FAM32A: variants seen among roughly 807,000 people sequenced by gnomAD.
FAM32A encodes the protein family with sequence similarity 32 member A, also known as protein FAM32A.
In FAM32A, 9 loss-of-function variants were observed where a neutral mutation model predicts 15.8. That is an observed-to-expected ratio of 0.57 (90% CI 0.34 to 1.00). The LOEUF is 1.00. Ranked by LOEUF, FAM32A falls within the 50% of genes least tolerant of loss-of-function variation. FAM32A has a pLI of 0.02. For synonymous variants in FAM32A, 64 were observed against 54.9 expected (o/e 1.16, Z -0.73); for missense variants, 113 against 138.3 (o/e 0.82, Z 0.92).
chr19:16,189,666 CTCTTT>C (rs2091398254), intron 2 of FAM32A, among the ~76,000 whole-genome samples: 1 of 83,636 alleles, frequency 1.2e-5, no homozygotes, highest in Non-Finnish European at 2.4e-5. Context: ...CACACTCCAA[CTCTTT>C]TTTTTTTTTT....
chr19:16,189,958 C>T (rs998291760), intron 2 of FAM32A, among the ~76,000 whole-genome samples: 3 of 151,932 alleles, frequency 2.0e-5, no homozygotes, highest in Non-Finnish European at 2.9e-5. Flanking sequence ...CATGAGCCAC[C>T]GCGCCCAGCC....
intron 2 of FAM32A, chr19:16,186,427 C>G (rs575039837): frequency 2.0e-5 from 3 of 152,220 alleles, no homozygotes; most frequent in Non-Finnish European, 4.4e-5. Flanking sequence ...GCCACCACAC[C>G]TGGCTAATTT....
rs1467469929 is a variant in FAM32A, at chr19:16,192,019, A to T, written c.*1064A>T. 6.6e-6 allele frequency: 1 copy of T among 152,170 alleles called. No homozygotes were observed. The highest frequency in any genetic ancestry group is 2.4e-5 in the African/African-American group (1 of 41,456). The allele number at this position is 152,170 out of a possible 1,614,324, so 9.4% of individuals were successfully genotyped here. ...TTTGGGGTTGTCCTGTGTAAATTAC[A>T]CAATAAAGCAAAAGTCAGTTATTGT... On this transcript the variant is annotated 3_prime_UTR_variant, in exon 4 of 4. Coordinates refer to ENST00000263384, the MANE Select transcript of FAM32A (RefSeq NM_014077.4).
In FAM32A at chr19:16,191,875, T is replaced by G. The variant is rs948942847; in HGVS notation, c.*920T>G. 7 of 152,366 alleles carry G rather than the reference T, an allele frequency of 4.6e-5. No individual in the cohort carries two copies. The highest frequency in any genetic ancestry group is 1.7e-4 in the African/African-American group (7 of 41,576). The allele number at this position is 152,366 out of a possible 1,614,324, so 9.4% of individuals were successfully genotyped here. ...TGTCCGTGTTGGAGGGCTGGGATCT[T>G]GTAGGGCCTGTGCGTCCTGGCTGAG... On this transcript the variant is annotated 3_prime_UTR_variant, in exon 4 of 4. Transcript: ENST00000263384.
chr19:16,189,016 CTTCT>C (rs1451390494), intron 2 of FAM32A, among the ~76,000 whole-genome samples: 1 of 132,476 alleles, frequency 7.5e-6, no homozygotes, highest in African/African-American at 2.8e-5. Context: ...TGCCTCAGTG[CTTCT>C]TTTTTTTTTT....
intron 2 of FAM32A, chr19:16,186,759 T>C (rs1280366891): frequency 6.6e-6 from 1 of 152,258 alleles, no homozygotes; most frequent in African/African-American, 2.4e-5. Context: ...GATTCTCACC[T>C]GGGGGTAGTC....
chr19:16,189,891 A>T (rs2091399528), intron 2 of FAM32A, among the ~76,000 whole-genome samples: 1 of 148,968 alleles, frequency 6.7e-6, no homozygotes, highest in Non-Finnish European at 1.5e-5. Context: ...CTAGTCTTGA[A>T]CTCCTGGGCT....
At position 16,185,498 on chromosome 19, in the gene FAM32A, A is replaced by G; in HGVS notation, c.56A>G (p.Glu19Gly). ...KGPLKLKGVA[E>G]LGVTKRKKKK... ...CCCCTGAAGCTGAAAGGCGTCGCAG[A>G]GCTGGGAGTGACCAAGCGGTGAGGC... The change falls in exon 1 of 4, where the codon GAG becomes GGG. Residue 19 changes from glutamate (E) to glycine (G), a missense_variant. This residue lies in a region of FAM32A where 112 missense variants were observed against 118.6 expected (regional missense o/e 0.94). Coordinates refer to ENST00000263384, the MANE Select transcript of FAM32A (RefSeq NM_014077.4). The G allele has an allele frequency of 6.4e-7, 1 of 1,565,270 alleles. No individual in the cohort carries two copies. The highest frequency in any genetic ancestry group is 8.7e-7 in the Non-Finnish European group (1 of 1,154,322).
intron 2 of FAM32A, 86 bp from the exon 3 acceptor site, chr19:16,190,434 G>A (rs563060336): frequency 1.6e-5 from 15 of 909,234 alleles, no homozygotes; most frequent in Admixed American, 4.1e-5. Context: ...GTGAGAGCCA[G>A]TCTGGCCAGG....
In FAM32A at chr19:16,191,096, G is replaced by C; in HGVS notation, c.*141G>C. On this transcript the variant is annotated 3_prime_UTR_variant, in exon 4 of 4. Coordinates refer to ENST00000263384, the MANE Select transcript of FAM32A (RefSeq NM_014077.4). ...GCTACAGACTGCTTTTCGAAGCTGT[G>C]TACCCTCATTCTGGAACTTGATTAA... 2 of 685,878 alleles carry C rather than the reference G, an allele frequency of 2.9e-6. No homozygotes were observed. Among genetic ancestry groups the C allele is most frequent in the Non-Finnish European group, 5.3e-6 (2 of 380,352 alleles). 42.5% of individuals were successfully genotyped at this position (685,878 alleles called of 1,614,324 possible).
In FAM32A at chr19:16,185,650, A is replaced by G. The variant is rs2091382298; in HGVS notation, c.101A>G (p.Lys34Arg). The G allele has an allele frequency of 1.9e-6, 3 of 1,596,106 alleles. No individual in the cohort carries two copies. Among genetic ancestry groups the G allele is most frequent in the South Asian group, 2.3e-5 (2 of 88,162 alleles). ...KRKKKKKDKDKAKLLEAMGTS... is the reference protein window; with the variant it reads ...KRKKKKKDKDRAKLLEAMGTS... ...AAGAAGAAAAAGAAGGACAAAGACAAAGCGAAACTCCTGGAAGCAATGGGA... is the reference window on the plus strand; with the variant it reads ...AAGAAGAAAAAGAAGGACAAAGACAGAGCGAAACTCCTGGAAGCAATGGGA... Residue 34 changes from lysine to arginine, a missense_variant, in exon 2 of 4, where the codon AAA becomes AGA. Coordinates refer to ENST00000263384, the MANE Select transcript of FAM32A (RefSeq NM_014077.4).
chr19:16,190,280 A>G (rs1460935292), intron 2 of FAM32A, among the ~76,000 whole-genome samples: 2 of 152,120 alleles, frequency 1.3e-5, no homozygotes, highest in African/African-American at 2.4e-5. Flanking sequence ...GAGTCTGCTC[A>G]TGGGTACGCG....
chr19:16,191,886 T>C lies in FAM32A; in HGVS notation c.*931T>C, dbSNP rs2091408710. 1 of 152,274 alleles carries C rather than the reference T, an allele frequency of 6.6e-6. No individual in the cohort carries two copies. The highest frequency in any genetic ancestry group is 6.5e-5 in the Admixed American group (1 of 15,276). 9.4% of individuals were successfully genotyped at this position (152,274 alleles called of 1,614,324 possible). A position where few individuals can be genotyped will look rare whatever the true frequency, so the allele number is the denominator to read the frequency against. On this transcript the variant is annotated 3_prime_UTR_variant, in exon 4 of 4. Coordinates refer to ENST00000263384, the MANE Select transcript of FAM32A (RefSeq NM_014077.4). The stretch of plus-strand genomic sequence containing the variant: ...GAGGGCTGGGATCTTGTAGGGCCTG[T>C]GCGTCCTGGCTGAGGATCAAACCAC...
At chr19:16,190,618 C>T in intron 3 of FAM32A, 45 bp downstream of exon 3, 1 of 1,470,206 alleles carries the variant, frequency 6.8e-7, no homozygotes, top group Non-Finnish European at 9.5e-7. Flanking sequence ...ATTCAGGGTC[C>T]CAGCTGGGCC....
chr19:16,185,870 G>A (rs2091384021), intron 2 of FAM32A, 105 bp downstream of exon 2: 3 of 1,288,092 alleles, frequency 2.3e-6, no homozygotes, highest in African/African-American at 1.5e-5. Flanking sequence ...AGCGGTCAGA[G>A]GAGACCTTAA....
Position 16,185,586 on chromosome 19 carries a change from G to C in FAM32A, c.75-38G>C, listed in dbSNP as rs1328219584. On this transcript the variant is annotated intron_variant, in intron 1 of 3. Coordinates refer to ENST00000263384, the MANE Select transcript of FAM32A (RefSeq NM_014077.4). ...ACCTTTTCTCGGGACCCCTGGCCCT[G>C]ATCCTCCGACCCGCCGCCTCCTCAT... The C allele has an allele frequency of 2.5e-6, 4 of 1,594,242 alleles. No individual in the cohort carries two copies. In the South Asian group the frequency reaches 4.6e-5, roughly 18 times the overall value.
intron 2 of FAM32A, chr19:16,186,727 G>T (rs1228163218): frequency 6.6e-6 from 1 of 152,246 alleles, no homozygotes; most frequent in East Asian, 1.9e-4. Context: ...CTGGGGAGAG[G>T]GAATAATCAG....
rs1446428124 is a variant in FAM32A at position 16,191,186 on chromosome 19, TTTGGATGGAAAGTTTC to T, written c.*233_*248del. On this transcript the variant is annotated 3_prime_UTR_variant, in exon 4 of 4. Transcript: ENST00000263384. Reference sequence around the variant, plus strand: ...ACATACAGAAGATACACCCTTTTCGTTTGGATGGAAAGTTTCTAAGTTTATCCAGAGGTAAAGCCCA... The same window carrying T: ...ACATACAGAAGATACACCCTTTTCGTTAAGTTTATCCAGAGGTAAAGCCCA... 6 of 526,414 alleles carry T rather than the reference TTTGGATGGAAAGTTTC, an allele frequency of 1.1e-5. No individual in the cohort carries two copies. The highest frequency in any genetic ancestry group is 2.1e-5 in the Non-Finnish European group (6 of 289,990). The allele number at this position is 526,414 out of a possible 1,614,324, so 32.6% of individuals were successfully genotyped here.
rs2091408194 is a variant in FAM32A at position 16,191,742 on chromosome 19, A to G, written c.*787A>G. The G allele has an allele frequency of 6.6e-6, 1 of 152,266 alleles. No homozygotes were observed. The highest frequency in any genetic ancestry group is 2.4e-5 in the African/African-American group (1 of 41,440). 9.4% of individuals were successfully genotyped at this position (152,266 alleles called of 1,614,324 possible). A position where few individuals can be genotyped will look rare whatever the true frequency, so the allele number is the denominator to read the frequency against. ...TATTTACTCAGAGTTGACACATCAC[A>G]CAGATCCTGTTTGGCATTCCTACCT... On this transcript the variant is annotated 3_prime_UTR_variant, in exon 4 of 4. Transcript: ENST00000263384.
Sources: allele counts gnomAD v4.1 joint callset (sites outside exome capture counted in the v4.1 genomes callset), GRCh38; gene constraint gnomAD v4.1.1; regional missense constraint gnomAD v4.1.1; transcripts MANE v1.5; gene names NCBI Gene and HGNC (gene_info 2026-07-23, HGNC 2026-07-21).